BICC1: variants seen among roughly 807,000 people sequenced by gnomAD.
The protein encoded by BICC1 is protein bicaudal C homolog 1.
In BICC1, 43 loss-of-function variants were observed where a neutral mutation model predicts 111.0. The observed-to-expected ratio is 0.39, with a 90% CI of 0.30 to 0.50. BICC1 has a LOEUF of 0.50. Ranked by LOEUF, BICC1 falls within the 20% of genes least tolerant of loss-of-function variation. The probability of loss-of-function intolerance (pLI) is 0.88; values close to 1 mark genes in which losing one functional copy is unlikely to be tolerated. For missense variants in BICC1, 1,091 were observed against 1,203.2 expected, an observed-to-expected ratio of 0.91 and a Z score of 1.38; for synonymous variants, 467 against 434.4, an observed-to-expected ratio of 1.07 and a Z score of -0.93.
chr10:58,538,759 G>T, intron 1 of BICC1, among the ~76,000 whole-genome samples: 1 of 151,700 alleles, frequency 6.6e-6, no homozygotes, highest in East Asian at 1.9e-4. Flanking sequence ...TCCCATTAAA[G>T]AGTGGGCAAA....
intron 1 of BICC1, among the ~76,000 whole-genome samples, chr10:58,616,097 C>T (rs11816917): frequency 0.23 from 34,445 of 151,978 alleles, 4,262 homozygotes; most frequent in East Asian, 0.41. Flanking sequence ...GGCAGGGTGC[C>T]TGGAGGCCAG....
In BICC1 at chr10:58,561,804, T is replaced by C. The variant is rs548388766; in HGVS notation, c.190+48471T>C. Among the ~76,000 whole-genome samples, 8 of 152,266 alleles carry C rather than the reference T, an allele frequency of 5.3e-5. No homozygotes were observed. The East Asian group carries it at 1.3e-3, about 26-fold the overall frequency. ...ATAAGACTCCCATAAGCCTTTCTTA[T>C]AAGGTTGCTCTAGTGGTAATGGATT... On this transcript the variant is annotated intron_variant, in intron 1 of 20. Coordinates refer to ENST00000373886, the MANE Select transcript of BICC1 (RefSeq NM_001080512.3).
At chr10:58,652,612 C>T (rs1838486403) in intron 2 of BICC1, among the ~76,000 whole-genome samples, 1 of 152,080 alleles carries the variant, frequency 6.6e-6, no homozygotes, top group Admixed American at 6.6e-5. Flanking sequence ...ATCCACGTAA[C>T]ACGGTCAATT....
chr10:58,778,716 T>C (rs1170561495), intron 3 of BICC1, among the ~76,000 whole-genome samples: 2 of 152,280 alleles, frequency 1.3e-5, no homozygotes, highest in African/African-American at 4.8e-5. Flanking sequence ...GTATTTAGTA[T>C]AGGGAAGGCC....
In BICC1 at chr10:58,811,098, G is replaced by A. The variant is rs545714850; in HGVS notation, c.2377-2732G>A. Among the ~76,000 whole-genome samples the A allele has an allele frequency of 2.4e-4, 37 of 152,268 alleles. No individual in the cohort carries two copies. In the South Asian group the frequency reaches 7.1e-3, roughly 29 times the overall value. ...AAAGAGATCCCTTAGATAAGAAGCA[G>A]GCACTTTGAAGCTTTTTTTGTTTTC... On this transcript the variant is annotated intron_variant, in intron 17 of 20. Coordinates refer to ENST00000373886, the MANE Select transcript of BICC1 (RefSeq NM_001080512.3).
intron 3 of BICC1, among the ~76,000 whole-genome samples, chr10:58,708,001 A>T (rs1400940363): frequency 1.8e-4 from 1 of 5,668 alleles, no homozygotes; most frequent in African/African-American, 4.2e-4. Context: ...CTAGCCAGCT[A>T]ATTTTTTTTT....
chr10:58,829,325 C>T lies in BICC1; in HGVS notation c.*434C>T, dbSNP rs1420291941. On this transcript the variant is annotated 3_prime_UTR_variant, in exon 21 of 21. Transcript: ENST00000373886. ...TATTTGGGGATTTTTAAAAAATAATCAAAGTGGAATTTTCTGGTACTGCTT... is the reference window on the plus strand; with the variant it reads ...TATTTGGGGATTTTTAAAAAATAATTAAAGTGGAATTTTCTGGTACTGCTT... 2 of 146,264 alleles carry T rather than the reference C, an allele frequency of 1.4e-5. No individual in the cohort carries two copies. The allele number at this position is 146,264 out of a possible 1,614,324, so 9.1% of individuals were successfully genotyped here.
In BICC1 at chr10:58,828,790, G is replaced by T. The variant is rs1323830421; in HGVS notation, c.2824G>T (p.Glu942Ter). The change falls in exon 21 of 21, where the codon GAA becomes TAA. Residue 942 changes from glutamate to a stop codon, truncating the protein, a stop_gained. Coordinates refer to ENST00000373886, the MANE Select transcript of BICC1 (RefSeq NM_001080512.3). LOFTEE classifies it high-confidence loss of function. Reference sequence around the variant, plus strand: ...AAATAAAAACCGAAGAAAGCTTTTTGAATCGCCAAATGCACGCACCTCTTT... The same window carrying T: ...AAATAAAAACCGAAGAAAGCTTTTTTAATCGCCAAATGCACGCACCTCTTT... ...ELNKNRRKLF[E>*]SPNARTSFLE... is the part of the protein sequence containing the mutation. The T allele has an allele frequency of 2.5e-6, 4 of 1,613,518 alleles. No homozygotes were observed. In the South Asian group the frequency reaches 3.3e-5, roughly 13 times the overall value.
Position 58,803,086 on chromosome 10 carries a change from C to A in BICC1, c.2025C>A (p.Asp675Glu). The change falls in exon 15 of 21, where the codon GAC becomes GAA. Residue 675 changes from aspartate (D) to glutamate (E), a missense_variant. Physicochemically the swap from Asp to Glu is conservative, Grantham distance 45. Transcript: ENST00000373886. ...CACTCTTATTTCACAGCAGCACTGACAGGTTGCTCTCAGACCCTGAACTGA... is the reference window on the plus strand; with the variant it reads ...CACTCTTATTTCACAGCAGCACTGAAAGGTTGCTCTCAGACCCTGAACTGA... ...GTKNSHLHSTDRLLSDPELSA... is the reference protein window; with the variant it reads ...GTKNSHLHSTERLLSDPELSA... The A allele has an allele frequency of 6.3e-7, 1 of 1,598,498 alleles. No individual in the cohort carries two copies.
chr10:58,824,537 A>G (rs1040997904), intron 20 of BICC1, among the ~76,000 whole-genome samples: 3 of 152,152 alleles, frequency 2.0e-5, no homozygotes, highest in African/African-American at 7.2e-5. Flanking sequence ...ACTTGGCCAT[A>G]GGAGTGTGTC....
intron 1 of BICC1, among the ~76,000 whole-genome samples, chr10:58,526,272 G>C (rs1443190973): frequency 6.6e-6 from 1 of 151,882 alleles, no homozygotes; most frequent in Non-Finnish European, 1.5e-5. Context: ...AGTAGACCTA[G>C]ACACTAGTTT....
intron 2 of BICC1, among the ~76,000 whole-genome samples, chr10:58,671,092 G>T (rs892712534): frequency 6.6e-6 from 1 of 152,054 alleles, no homozygotes; most frequent in African/African-American, 2.4e-5. Flanking sequence ...CATGTAAGGC[G>T]GTTTCCCTCT....
At chr10:58,583,470 G>GTT (rs1321588359) in intron 1 of BICC1, among the ~76,000 whole-genome samples, 1 of 151,208 alleles carries the variant, frequency 6.6e-6, no homozygotes. Flanking sequence ...AACGATGTTT[G>GTT]TTTTTTTCCA....
At chr10:58,742,739 A>G (rs780094587) in intron 3 of BICC1, among the ~76,000 whole-genome samples, 1 of 152,090 alleles carries the variant, frequency 6.6e-6, no homozygotes, top group Non-Finnish European at 1.5e-5. Flanking sequence ...TTCCCAGCCA[A>G]AATTCTCTGG....
chr10:58,794,937 T>TA (rs1843303188), intron 9 of BICC1, among the ~76,000 whole-genome samples: 1 of 152,032 alleles, frequency 6.6e-6, no homozygotes, highest in African/African-American at 2.4e-5. Flanking sequence ...TGGTGTTGAG[T>TA]AAAAAAAGTA....
At chr10:58,555,270 T>C (rs1014942058) in intron 1 of BICC1, among the ~76,000 whole-genome samples, 1 of 151,668 alleles carries the variant, frequency 6.6e-6, no homozygotes, top group African/African-American at 2.4e-5. Flanking sequence ...TGTCAGGTTT[T>C]TATTTTACAG....
intron 18 of BICC1, among the ~76,000 whole-genome samples, chr10:58,816,624 C>T (rs1844098002): frequency 6.6e-6 from 1 of 152,094 alleles, no homozygotes; most frequent in Non-Finnish European, 1.5e-5. Flanking sequence ...CCTCCCTCAC[C>T]TCTTTGGGGA....
At chr10:58,778,219 G>A (rs1842797982) in intron 3 of BICC1, among the ~76,000 whole-genome samples, 1 of 151,964 alleles carries the variant, frequency 6.6e-6, no homozygotes. Flanking sequence ...TCTCAAAAAA[G>A]TAATTAATTA....
intron 3 of BICC1, among the ~76,000 whole-genome samples, chr10:58,744,010 C>T (rs559538489): frequency 6.6e-6 from 1 of 152,180 alleles, no homozygotes; most frequent in East Asian, 1.9e-4. Flanking sequence ...AAATTCCTTT[C>T]ATTTTTAATT....
Sources: allele counts gnomAD v4.1 joint callset (sites outside exome capture counted in the v4.1 genomes callset), GRCh38; gene constraint gnomAD v4.1.1; transcripts MANE v1.5; gene names NCBI Gene and HGNC (gene_info 2026-07-23, HGNC 2026-07-21).